Variants in FRMPD4 observed in about 807,000 individuals in gnomAD.
FRMPD4 encodes FERM and PDZ domain containing 4.
Under a neutral mutation model 94.1 loss-of-function variants are expected in FRMPD4, and 22 were observed. The ratio of observed to expected loss-of-function variants is 0.23; its 90% confidence interval spans 0.17 to 0.33. The LOEUF is 0.33. FRMPD4 is among the 10% of genes least tolerant of loss of function. The probability of loss-of-function intolerance (pLI) is 1.00; values close to 1 mark genes in which losing one functional copy is unlikely to be tolerated. For synonymous variants in FRMPD4, 631 were observed against 548.6 expected (o/e 1.15, Z -2.10); for missense variants, 1,111 against 1,339.9 (o/e 0.83, Z 2.67).
chrX:12,684,944 C>T (rs191116867), intron 6 of FRMPD4, among the ~76,000 whole-genome samples: 87 of 111,542 alleles, frequency 7.8e-4, no homozygotes, highest in African/African-American at 2.7e-3. Context: ...TGTTCGGTCA[C>T]GTGGATGCTC....
At position 12,722,252 on chromosome X, in the gene FRMPD4, A is replaced by G. The variant is rs5978572; in HGVS notation, c.*394A>G. ...AGAAGTAAAACACAAAACAAAAAAG[A>G]GAGAGAAAAGAAAAGAAATCACAAT... On this transcript the variant is annotated 3_prime_UTR_variant, in exon 17 of 17. Transcript: ENST00000675598. 0.44 allele frequency: 48,469 copies of G among 110,136 alleles called. 9,129 individuals are homozygous for G. The highest frequency in any genetic ancestry group is 0.7 in the East Asian group (2,434 of 3,472). The allele number at this position is 110,136 out of a possible 1,213,427, so 9.1% of individuals were successfully genotyped here.
At chrX:12,251,402 G>C (rs989264179) in intron 1 of FRMPD4, among the ~76,000 whole-genome samples, 1 of 112,190 alleles carries the variant, frequency 8.9e-6, no homozygotes, top group African/African-American at 3.2e-5. Context: ...TAGCTGGCAG[G>C]CTATGCCCCC....
chrX:12,543,517 A>T (rs2058439930), intron 2 of FRMPD4, among the ~76,000 whole-genome samples: 1 of 112,491 alleles, frequency 8.9e-6, no homozygotes, highest in African/African-American at 3.2e-5. Flanking sequence ...CATCAGAGAA[A>T]TGCAAATCAA....
At chrX:11,873,183 A>C (rs754177025) in intron 2 of FRMPD4, among the ~76,000 whole-genome samples, 42 of 111,698 alleles carry the variant, frequency 3.8e-4, no homozygotes, top group African/African-American at 1.4e-3. Flanking sequence ...ATCAGAAACA[A>C]GGCAAGGATT....
chrX:12,130,282 C>T (rs925208664), intron 3 of FRMPD4, among the ~76,000 whole-genome samples: 9 of 111,806 alleles, frequency 8.0e-5, no homozygotes, highest in Admixed American at 3.8e-4. Context: ...TTCTCAACAT[C>T]TTGACTTTTG....
chrX:12,208,904 T>G (rs1390703765), intron 1 of FRMPD4, among the ~76,000 whole-genome samples: 1 of 112,209 alleles, frequency 8.9e-6, no homozygotes, highest in African/African-American at 3.2e-5. Context: ...TGGAAGAAAC[T>G]ACAACAACAA....
intron 2 of FRMPD4, among the ~76,000 whole-genome samples, chrX:12,594,178 A>G (rs1455323535): frequency 1.8e-5 from 2 of 111,097 alleles, no homozygotes; most frequent in African/African-American, 6.5e-5. Context: ...TATGCTTTTG[A>G]TATTTTAAAT....
intron 3 of FRMPD4, among the ~76,000 whole-genome samples, chrX:11,922,656 G>A (rs1426582817): frequency 8.9e-6 from 1 of 112,389 alleles, no homozygotes; most frequent in Non-Finnish European, 1.9e-5. Flanking sequence ...CCCAGAAGGA[G>A]GGGACCCCTT....
At chrX:12,344,615 A>G (rs1021661803) in intron 1 of FRMPD4, among the ~76,000 whole-genome samples, 1 of 112,380 alleles carries the variant, frequency 8.9e-6, no homozygotes, top group African/African-American at 3.2e-5. Context: ...TATAATACTA[A>G]TTATTAAAAT....
chrX:12,351,473 T>C (rs1391558269), intron 1 of FRMPD4, among the ~76,000 whole-genome samples: 1 of 112,137 alleles, frequency 8.9e-6, no homozygotes. Context: ...ATCTCCATCA[T>C]TTCAAAAAAA....
chrX:12,615,117 TC>T (rs2059223482), intron 4 of FRMPD4, among the ~76,000 whole-genome samples: 1 of 112,387 alleles, frequency 8.9e-6, no homozygotes, highest in South Asian at 3.6e-4. Context: ...TACATATGCC[TC>T]AGTTTAAAAT....
At chrX:12,561,850 G>T (rs762418839) in intron 2 of FRMPD4, among the ~76,000 whole-genome samples, 4 of 112,065 alleles carry the variant, frequency 3.6e-5, no homozygotes, top group Non-Finnish European at 7.5e-5. Context: ...TCATATTCGG[G>T]GATAGCAATA....
intron 1 of FRMPD4, among the ~76,000 whole-genome samples, chrX:12,194,908 A>T (rs769427159): frequency 8.9e-6 from 1 of 112,088 alleles, no homozygotes; most frequent in South Asian, 3.7e-4. Context: ...TTTGCCAAAT[A>T]ACTTGAGTGA....
At position 12,694,415 on chromosome X, in the gene FRMPD4, A is replaced by G. The variant is rs755341830; in HGVS notation, c.894A>G (p.Leu298=). Residue 298 remains leucine (L), a synonymous_variant, in exon 9 of 17, where the codon TTA becomes TTG. Transcript: ENST00000675598. ...TCCCAAAAGATCCAATTGACCTTTT[A>G]AGGAGAGATCCAGTTGCTTTCGAGT... ...SFVPKDPIDL[L]RRDPVAFEYL... 5.0e-6 allele frequency: 6 copies of G among 1,197,006 alleles called. No individual in the cohort carries two copies. Among genetic ancestry groups the G allele is most frequent in the Non-Finnish European group, 6.8e-6 (6 of 881,895 alleles).
chrX:12,143,953 G>A (rs1016357229), intron 1 of FRMPD4, among the ~76,000 whole-genome samples: 3 of 111,922 alleles, frequency 2.7e-5, no homozygotes, highest in Non-Finnish European at 5.6e-5. Flanking sequence ...TGGGGAGCTG[G>A]AGAGTTGCTT....
At chrX:12,162,224 A>T (rs1225763056) in intron 1 of FRMPD4, among the ~76,000 whole-genome samples, 4 of 111,480 alleles carry the variant, frequency 3.6e-5, no homozygotes, top group East Asian at 2.8e-4. Context: ...TGTATAATTA[A>T]CTCTAGGGTG....
intron 2 of FRMPD4, among the ~76,000 whole-genome samples, chrX:12,556,210 G>A (rs773981150): frequency 2.7e-5 from 3 of 111,133 alleles, no homozygotes; most frequent in Non-Finnish European, 5.7e-5. Context: ...ATGATAGGAT[G>A]TCACTTCTAT....
chrX:12,173,311 C>T (rs1601659508), intron 1 of FRMPD4, among the ~76,000 whole-genome samples: 1 of 112,589 alleles, frequency 8.9e-6, no homozygotes, highest in African/African-American at 3.2e-5. Context: ...ACATTTGGGG[C>T]ATGGCATCAC....
At chrX:12,240,683 A>G (rs2057119911) in intron 1 of FRMPD4, among the ~76,000 whole-genome samples, 1 of 112,403 alleles carries the variant, frequency 8.9e-6, no homozygotes, top group Non-Finnish European at 1.9e-5. Flanking sequence ...TTTATAGATC[A>G]AGATAAGCAA....
Sources: gnomAD v4.1 joint callset for allele counts (sites outside exome capture counted in the v4.1 genomes callset) on GRCh38, gnomAD v4.1.1 for gene constraint, MANE v1.5 for transcripts, NCBI Gene and HGNC (gene_info 2026-07-23, HGNC 2026-07-21) for gene names.